GRM7: variants seen among roughly 807,000 people sequenced by gnomAD.
GRM7 encodes the protein glutamate metabotropic receptor 7.
GRM7 carries 35 observed loss-of-function variants against 84.5 expected under a neutral mutation model. That is an observed-to-expected ratio of 0.41 (90% CI 0.32 to 0.55). The LOEUF (loss-of-function observed/expected upper bound fraction) is 0.55, where lower values mean the gene tolerates loss of function less well. Ranked by LOEUF, GRM7 falls within the 20% of genes least tolerant of loss-of-function variation. GRM7 has a pLI of 0.19. For synonymous variants in GRM7, 487 were observed against 455.1 expected (o/e 1.07, Z -0.89); for missense variants, 1,003 against 1,194.6 (o/e 0.84, Z 2.36).
Position 7,077,905 on chromosome 3 carries a change from A to G in GRM7, c.520-68547A>G, listed in dbSNP as rs546263489. Among the ~76,000 whole-genome samples the G allele has an allele frequency of 4.2e-4, 64 of 152,318 alleles. No homozygotes were observed. In the South Asian group the frequency reaches 0.012, roughly 28 times the overall value. ...CAAATTAATATGACAATACAGTGCT[A>G]TGATTTAAAGCAGAGGTTGGCAAAT... On this transcript the variant is annotated intron_variant, in intron 1 of 9. Transcript: ENST00000357716.
At chr3:7,097,773 A>T (rs1276475247) in intron 1 of GRM7, among the ~76,000 whole-genome samples, 1 of 152,138 alleles carries the variant, frequency 6.6e-6, no homozygotes, top group African/African-American at 2.4e-5. Context: ...TTTGTCTCAC[A>T]TATCAAAATT....
intron 1 of GRM7, among the ~76,000 whole-genome samples, chr3:7,118,109 G>T (rs1397132052): frequency 6.6e-6 from 1 of 152,112 alleles, no homozygotes; most frequent in African/African-American, 2.4e-5. Flanking sequence ...AAGAAGGCTG[G>T]GTATGGTGGC....
chr3:6,910,700 A>G (rs979486942), intron 1 of GRM7, among the ~76,000 whole-genome samples: 1 of 152,130 alleles, frequency 6.6e-6, no homozygotes, highest in Admixed American at 6.6e-5. Context: ...GTTCTGGGCA[A>G]CATAGCAAGA....
chr3:7,595,676 A>G (rs1696004641), intron 8 of GRM7, among the ~76,000 whole-genome samples: 1 of 152,034 alleles, frequency 6.6e-6, no homozygotes, highest in Admixed American at 6.6e-5. Flanking sequence ...AAAGCAAGAG[A>G]AGGAGTCATG....
intron 1 of GRM7, among the ~76,000 whole-genome samples, chr3:7,069,364 G>T (rs1187671590): frequency 6.6e-6 from 1 of 152,002 alleles, no homozygotes; most frequent in Non-Finnish European, 1.5e-5. Flanking sequence ...CCAACCTGGA[G>T]CCCAGAAGGG....
At chr3:7,567,981 A>T (rs1694404310) in intron 7 of GRM7, among the ~76,000 whole-genome samples, 2 of 152,042 alleles carry the variant, frequency 1.3e-5, no homozygotes, top group African/African-American at 4.8e-5. Flanking sequence ...ACAACTCAGG[A>T]ACGTATGTCA....
chr3:7,091,109 A>G (rs1358158890), intron 1 of GRM7, among the ~76,000 whole-genome samples: 1 of 152,110 alleles, frequency 6.6e-6, no homozygotes, highest in Non-Finnish European at 1.5e-5. Flanking sequence ...CATTTTGTAC[A>G]AGTTGAGTGA....
intron 4 of GRM7, among the ~76,000 whole-genome samples, chr3:7,349,639 A>G (rs570056875): frequency 6.6e-6 from 1 of 152,290 alleles, no homozygotes; most frequent in Non-Finnish European, 1.5e-5. Context: ...AACTTTAGAT[A>G]GTACCGGGCT....
intron 9 of GRM7, chr3:7,693,658 A>C: frequency 6.5e-7 from 1 of 1,531,570 alleles, no homozygotes; most frequent in Non-Finnish European, 8.8e-7. Context: ...GCTACTGACC[A>C]TCTGCACTGG....
chr3:7,156,216 C>T (rs1005330322), intron 2 of GRM7, among the ~76,000 whole-genome samples: 1 of 152,112 alleles, frequency 6.6e-6, no homozygotes, highest in Non-Finnish European at 1.5e-5. Flanking sequence ...TCACAGGATG[C>T]TAAGTATGGG....
At chr3:7,290,220 A>T (rs1699575256) in intron 2 of GRM7, among the ~76,000 whole-genome samples, 1 of 152,166 alleles carries the variant, frequency 6.6e-6, no homozygotes. Flanking sequence ...GACATCAGAA[A>T]TCAATCAAAC....
chr3:7,110,202 C>A (rs1296890420), intron 1 of GRM7, among the ~76,000 whole-genome samples: 1 of 152,074 alleles, frequency 6.6e-6, no homozygotes, highest in Non-Finnish European at 1.5e-5. Flanking sequence ...GTTTTAATTT[C>A]TGTGAAAACT....
intron 1 of GRM7, among the ~76,000 whole-genome samples, chr3:6,878,908 G>T (rs375619625): frequency 9.2e-5 from 14 of 152,212 alleles, no homozygotes; most frequent in African/African-American, 3.4e-4. Context: ...CCAGTTCCCA[G>T]GTGCTGCTAT....
At chr3:7,169,254 C>T (rs1200612145) in intron 2 of GRM7, among the ~76,000 whole-genome samples, 2 of 152,042 alleles carry the variant, frequency 1.3e-5, no homozygotes, top group African/African-American at 4.8e-5. Flanking sequence ...CAAAAGTTTG[C>T]CCCTAATTTC....
intron 2 of GRM7, among the ~76,000 whole-genome samples, chr3:7,164,275 C>T (rs1324012284): frequency 3.3e-5 from 5 of 152,190 alleles, no homozygotes; most frequent in African/African-American, 1.2e-4. Context: ...AGGAGAATCA[C>T]TTGAACCCAG....
At position 7,578,463 on chromosome 3, in the gene GRM7, C is replaced by T. The variant is rs1253493739; in HGVS notation, c.1557C>T (p.Pro519=). The change falls in exon 8 of 10, where the codon CCC becomes CCT. Residue 519 remains proline (P), a synonymous_variant. Transcript: ENST00000357716. ...GGGGTAAAGGAGTCCGAGAGATACC[C>T]GCCTCAGTGTGCACACTACCATGTA... ...MQWGKGVREI[P]ASVCTLPCKP... 1.1e-5 allele frequency: 18 copies of T among 1,613,328 alleles called. No individual in the cohort carries two copies. Among genetic ancestry groups the T allele is most frequent in the African/African-American group, 2.7e-5 (2 of 74,828 alleles).
intron 6 of GRM7, among the ~76,000 whole-genome samples, chr3:7,453,447 A>G (rs910372678): frequency 1.3e-5 from 2 of 152,130 alleles, no homozygotes; most frequent in Non-Finnish European, 2.9e-5. Context: ...AATTTTCACA[A>G]TCTCCTCCTC....
At position 7,256,801 on chromosome 3, in the gene GRM7, A is replaced by G. The variant is rs576563400; in HGVS notation, c.737-41883A>G. Among the ~76,000 whole-genome samples the G allele has an allele frequency of 1.1e-4, 17 of 152,286 alleles. No individual in the cohort carries two copies. The South Asian group carries it at 3.3e-3, about 30-fold the overall frequency. On this transcript the variant is annotated intron_variant, in intron 2 of 9. Coordinates refer to ENST00000357716, the MANE Select transcript of GRM7 (RefSeq NM_000844.4). ...ATTTTATCATCTAGTGGGGAAACAG[A>G]GATAGTTTAATAAAGAAGCTGCAAT...
intron 1 of GRM7, among the ~76,000 whole-genome samples, chr3:7,111,482 G>C (rs1292921504): frequency 3.3e-5 from 5 of 152,092 alleles, no homozygotes; most frequent in Admixed American, 3.3e-4. Context: ...AAATTATAAA[G>C]AGGCAGGAGA....
Sources: allele counts gnomAD v4.1 joint callset (sites outside exome capture counted in the v4.1 genomes callset), GRCh38; gene constraint gnomAD v4.1.1; transcripts MANE v1.5; gene names NCBI Gene and HGNC (gene_info 2026-07-23, HGNC 2026-07-21).